XKR9: variants seen among roughly 807,000 people sequenced by gnomAD.
The protein encoded by XKR9 is XK-related protein 9.
In XKR9, 32 loss-of-function variants were observed where a neutral mutation model predicts 32.0. That is an observed-to-expected ratio of 1.00 (90% CI 0.76 to 1.34). The LOEUF (loss-of-function observed/expected upper bound fraction) is 1.34, where lower values mean the gene tolerates loss of function less well. Among genes scored for constraint, XKR9 ranks in the 40% most tolerant of loss-of-function variants. XKR9 has a pLI of 0.00. For missense variants in XKR9, 546 were observed against 429.7 expected (o/e 1.27, Z -2.39); for synonymous variants, 168 against 143.4 (o/e 1.17, Z -1.22).
chr8:70,828,490 C>T, the XKR9 span, among the ~76,000 whole-genome samples: 1 of 151,752 alleles, frequency 6.6e-6, no homozygotes, highest in South Asian at 2.1e-4. Flanking sequence ...CTTTGGGAGG[C>T]CGAGGCGGGC....
At chr8:70,962,566 C>T in the XKR9 span, among the ~76,000 whole-genome samples, 1 of 152,182 alleles carries the variant, frequency 6.6e-6, no homozygotes, top group African/African-American at 2.4e-5. Context: ...GTGTAGCATT[C>T]CACGGTGTAT....
At position 70,747,021 on chromosome 8, in the gene XKR9, C is replaced by T. The variant is rs867900891; in HGVS notation, n.352+39868C>T. On this transcript the variant is annotated intron_variant and non_coding_transcript_variant, in intron 2 of 3. Coordinates refer to the XKR9 transcript ENST00000520273. ...CTTATAAGTGAGAACATGTGGTTTTCTGTTTCTGTGTTAATTCACTTACGA... is the reference window on the plus strand; with the variant it reads ...CTTATAAGTGAGAACATGTGGTTTTTTGTTTCTGTGTTAATTCACTTACGA... Among the ~76,000 whole-genome samples the T allele has an allele frequency of 2.6e-5, 4 of 152,264 alleles. No individual in the cohort carries two copies. The South Asian group carries it at 8.3e-4, about 32-fold the overall frequency.
chr8:71,014,979 T>A, the XKR9 span, among the ~76,000 whole-genome samples: 4 of 152,158 alleles, frequency 2.6e-5, no homozygotes, highest in Non-Finnish European at 5.9e-5. Flanking sequence ...AGCTGATCAT[T>A]TCAGATGTTG....
chr8:70,806,723 A>G, the XKR9 span, among the ~76,000 whole-genome samples: 2 of 152,266 alleles, frequency 1.3e-5, no homozygotes, highest in South Asian at 2.1e-4. Context: ...AGAGAAAAAA[A>G]ATGAAGAGGA....
At chr8:70,980,986 A>G in the XKR9 span, among the ~76,000 whole-genome samples, 1 of 152,204 alleles carries the variant, frequency 6.6e-6, no homozygotes, top group African/African-American at 2.4e-5. Flanking sequence ...TCTAGCTTGT[A>G]GGGTTTCTGC....
rs1423805837 is a variant in XKR9 at position 70,672,378 on chromosome 8, A to G, written c.-360-2440A>G. Among the ~76,000 whole-genome samples the G allele has an allele frequency of 3.5e-5, 2 of 57,142 alleles. 1 individual carries two copies. Among genetic ancestry groups the G allele is most frequent in the Non-Finnish European group, 1.3e-4 (2 of 15,650 alleles). The allele number at this position is 57,142 out of a possible 152,430, so 37.5% of individuals were successfully genotyped here. The stretch of plus-strand genomic sequence containing the variant: ...TACTGGTACCAAAACAGAGATATAG[A>G]TCAATGGAACAGAACAGAGCCCTCA... On this transcript the variant is annotated intron_variant, in intron 1 of 4. Transcript: ENST00000408926.
chr8:70,833,800 C>G, the XKR9 span, among the ~76,000 whole-genome samples: 3 of 152,280 alleles, frequency 2.0e-5, no homozygotes, highest in African/African-American at 7.2e-5. Flanking sequence ...CAGTATACTT[C>G]CTTTTTTCCT....
chr8:70,693,884 C>T (rs1805163624), intron 3 of XKR9, among the ~76,000 whole-genome samples: 1 of 152,098 alleles, frequency 6.6e-6, no homozygotes. Flanking sequence ...TGTTCCACTG[C>T]AGAGGCAGTG....
chr8:70,806,651 C>A, the XKR9 span, among the ~76,000 whole-genome samples: 1 of 151,674 alleles, frequency 6.6e-6, no homozygotes, highest in Non-Finnish European at 1.5e-5. Context: ...ATTGACTGAG[C>A]AGAAGAAAGG....
the XKR9 span, among the ~76,000 whole-genome samples, chr8:70,876,481 C>T: frequency 1.3e-5 from 2 of 152,198 alleles, no homozygotes; most frequent in East Asian, 3.9e-4. Flanking sequence ...TCTCTTGACT[C>T]TTGCATAGAA....
At chr8:70,673,737 C>T in intron 1 of XKR9, among the ~76,000 whole-genome samples, 1 of 151,634 alleles carries the variant, frequency 6.6e-6, no homozygotes, top group Admixed American at 6.6e-5. Context: ...TGCACTCCAG[C>T]CTGAGTGACA....
the XKR9 span, among the ~76,000 whole-genome samples, chr8:70,992,434 T>C: frequency 6.6e-6 from 1 of 152,146 alleles, no homozygotes; most frequent in Non-Finnish European, 1.5e-5. Flanking sequence ...CCACTCACCT[T>C]CTACCAGCAC....
Position 70,734,340 on chromosome 8 carries a change from C to G in XKR9, c.1038C>G (p.Asn346Lys), listed in dbSNP as rs1473202353. 1 of 1,611,712 alleles carries G rather than the reference C, an allele frequency of 6.2e-7. No homozygotes were observed. Among genetic ancestry groups the G allele is most frequent in the Non-Finnish European group, 8.5e-7 (1 of 1,179,438 alleles). Reference sequence around the variant, plus strand: ...TTTATTATGGGAGTTTTCACCCAAACAGAAGTGCAGAAACAAAATGTGATG... The same window carrying G: ...TTTATTATGGGAGTTTTCACCCAAAGAGAAGTGCAGAAACAAAATGTGATG... ...LIVYYGSFHPNRSAETKCDEI... is the reference protein window; with the variant it reads ...LIVYYGSFHPKRSAETKCDEI... Residue 346 changes from asparagine (N) to lysine (K), a missense_variant, in exon 5 of 5, where the codon AAC becomes AAG. Transcript: ENST00000408926.
At chr8:70,958,101 T>C in the XKR9 span, among the ~76,000 whole-genome samples, 480 of 152,332 alleles carry the variant, frequency 3.2e-3, 1 homozygote, top group Middle Eastern at 0.027. Context: ...CAGTCTATCA[T>C]TGATGGGCAT....
intron 2 of XKR9, among the ~76,000 whole-genome samples, chr8:70,772,505 A>T (rs189515494): frequency 6.6e-6 from 1 of 152,292 alleles, no homozygotes; most frequent in Non-Finnish European, 1.5e-5. Context: ...CTAGTTTAAA[A>T]CACCATGAAA....
intron 3 of XKR9, among the ~76,000 whole-genome samples, chr8:70,695,084 G>A (rs1388370670): frequency 6.6e-6 from 1 of 151,452 alleles, no homozygotes; most frequent in African/African-American, 2.4e-5. Flanking sequence ...AGAATCCCCT[G>A]GCTCTGTGTT....
chr8:70,754,452 G>A (rs549963015), intron 2 of XKR9, among the ~76,000 whole-genome samples: 5 of 129,918 alleles, frequency 3.8e-5, no homozygotes, highest in South Asian at 2.4e-4. Flanking sequence ...AGCCCGCATC[G>A]CCAAGTCAAT....
intron 1 of XKR9, among the ~76,000 whole-genome samples, chr8:70,669,865 A>G: frequency 6.6e-6 from 1 of 151,592 alleles, no homozygotes; most frequent in East Asian, 1.9e-4. Context: ...ACCGGGTTTC[A>G]TTGTGTTAGC....
At chr8:71,008,355 T>C in the XKR9 span, among the ~76,000 whole-genome samples, 1 of 152,220 alleles carries the variant, frequency 6.6e-6, no homozygotes, top group Non-Finnish European at 1.5e-5. Flanking sequence ...CACATATATC[T>C]GATGAGGTAG....
Sources: allele counts gnomAD v4.1 joint callset (sites outside exome capture counted in the v4.1 genomes callset), GRCh38; gene constraint gnomAD v4.1.1; transcripts MANE v1.5; gene names NCBI Gene and HGNC (gene_info 2026-07-23, HGNC 2026-07-21).